MARCHF11: variants seen among roughly 807,000 people sequenced by gnomAD.
MARCHF11 encodes the protein membrane associated ring-CH-type finger 11.
In MARCHF11, 29 loss-of-function variants were observed where a neutral mutation model predicts 37.3. The observed-to-expected ratio is 0.78, with a 90% CI of 0.58 to 1.06. The LOEUF is 1.06. Among genes scored for constraint, MARCHF11 ranks in the 50% least tolerant of loss-of-function variants. The probability of loss-of-function intolerance (pLI) is 0.00; values close to 1 mark genes in which losing one functional copy is unlikely to be tolerated. For missense variants in MARCHF11, 482 were observed against 533.4 expected, an observed-to-expected ratio of 0.90 and a Z score of 0.95; for synonymous variants, 233 against 228.0, an observed-to-expected ratio of 1.02 and a Z score of -0.20.
chr5:16,083,467 C>A (rs1012769287), intron 3 of MARCHF11, among the ~76,000 whole-genome samples: 6 of 152,152 alleles, frequency 3.9e-5, no homozygotes, highest in Non-Finnish European at 8.8e-5. Context: ...AATCCAAAGG[C>A]CTTACCAACA....
chr5:16,178,241 G>A (rs1738397002), intron 1 of MARCHF11, among the ~76,000 whole-genome samples: 1 of 152,146 alleles, frequency 6.6e-6, no homozygotes, highest in South Asian at 2.1e-4. Flanking sequence ...AAGAAGAAAC[G>A]CATGGCATCC....
intron 3 of MARCHF11, among the ~76,000 whole-genome samples, chr5:16,078,671 C>G (rs189462454): frequency 2.0e-5 from 3 of 152,312 alleles, no homozygotes; most frequent in South Asian, 2.1e-4. Flanking sequence ...GAAGTACAAT[C>G]TTCAGGTTTT....
At chr5:16,100,878 T>G (rs758934353) in intron 2 of MARCHF11, among the ~76,000 whole-genome samples, 10 of 152,130 alleles carry the variant, frequency 6.6e-5, no homozygotes, top group Non-Finnish European at 1.2e-4. Flanking sequence ...ATTTAGCAAC[T>G]ATAGGGTACA....
intron 2 of MARCHF11, among the ~76,000 whole-genome samples, chr5:16,157,291 G>A (rs1033621443): frequency 6.6e-6 from 1 of 151,754 alleles, no homozygotes; most frequent in Admixed American, 6.6e-5. Context: ...CAAATTCAAT[G>A]CAAACCCTAT....
intron 2 of MARCHF11, among the ~76,000 whole-genome samples, chr5:16,117,647 A>G (rs992583519): frequency 2.0e-5 from 3 of 152,200 alleles, no homozygotes; most frequent in African/African-American, 7.2e-5. Flanking sequence ...CCAGCTACGC[A>G]GGAGGCCAAG....
chr5:16,147,075 A>G (rs1303632592), intron 2 of MARCHF11, among the ~76,000 whole-genome samples: 1 of 152,146 alleles, frequency 6.6e-6, no homozygotes, highest in Non-Finnish European at 1.5e-5. Flanking sequence ...ATATTTCAAA[A>G]GACTATCTTT....
At chr5:16,168,204 A>C (rs573580659) in intron 2 of MARCHF11, among the ~76,000 whole-genome samples, 1 of 152,232 alleles carries the variant, frequency 6.6e-6, no homozygotes, top group East Asian at 1.9e-4. Flanking sequence ...TTTCGGTAAC[A>C]AATATGAGTT....
chr5:16,164,025 C>T (rs1020488901), intron 2 of MARCHF11, among the ~76,000 whole-genome samples: 10 of 152,052 alleles, frequency 6.6e-5, no homozygotes, highest in African/African-American at 2.2e-4. Flanking sequence ...GCTGGGCCCT[C>T]ACCAGACACC....
At chr5:16,159,743 A>G (rs764724888) in intron 2 of MARCHF11, among the ~76,000 whole-genome samples, 7 of 151,828 alleles carry the variant, frequency 4.6e-5, no homozygotes, top group South Asian at 2.1e-4. Flanking sequence ...CATTCTCCAT[A>G]CATCCTCCCA....
In MARCHF11 at chr5:16,166,891, A is replaced by ATGTG. The variant is rs3993864; in HGVS notation, c.693+10831_693+10834dup. ...TCACCAGAGAAACAAAACCAACAGG[A>ATGTG]TGTGTGTGTGTGTGTGTGTGTGTGT... On this transcript the variant is annotated intron_variant, in intron 2 of 3. Transcript: ENST00000332432. 4.5e-3 allele frequency among the ~76,000 whole-genome samples: 673 copies of ATGTG among 149,382 alleles called. 1 individual carries two copies. Among genetic ancestry groups the ATGTG allele is most frequent in the Non-Finnish European group, 6.9e-3 (462 of 67,268 alleles).
Position 16,167,157 on chromosome 5 carries a change from CGTGTGT to C in MARCHF11, c.693+10563_693+10568del, listed in dbSNP as rs3031646. Reference sequence around the variant, plus strand: ...AAGTTGGGAACTGTCTGTATACACACGTGTGTGTGTGTGTGTGTGTGTGTGTAAGAG... The same window carrying C: ...AAGTTGGGAACTGTCTGTATACACACGTGTGTGTGTGTGTGTGTGTAAGAG... On this transcript the variant is annotated intron_variant, in intron 2 of 3. Transcript: ENST00000332432. 5.8e-3 allele frequency among the ~76,000 whole-genome samples: 869 copies of C among 148,862 alleles called. 6 individuals carry two copies. Among genetic ancestry groups the C allele is most frequent in the Non-Finnish European group, 9.7e-3 (649 of 67,026 alleles).
intron 2 of MARCHF11, among the ~76,000 whole-genome samples, chr5:16,171,366 T>C (rs976232029): frequency 5.3e-5 from 8 of 150,968 alleles, no homozygotes; most frequent in South Asian, 2.1e-4. Flanking sequence ...ATCCCACCCA[T>C]TGAATTTTCT....
At chr5:16,170,424 G>T (rs761817864) in intron 2 of MARCHF11, among the ~76,000 whole-genome samples, 2 of 152,042 alleles carry the variant, frequency 1.3e-5, no homozygotes, top group Admixed American at 6.5e-5. Flanking sequence ...TTACTATCAA[G>T]GCTTTTTTTC....
chr5:16,140,280 C>A (rs1560986865), intron 2 of MARCHF11, among the ~76,000 whole-genome samples: 1 of 151,708 alleles, frequency 6.6e-6, no homozygotes, highest in African/African-American at 2.4e-5. Flanking sequence ...ATGAGATAAA[C>A]CCTTAAATAA....
At chr5:16,151,869 TTTG>T (rs1378970278) in intron 2 of MARCHF11, among the ~76,000 whole-genome samples, 2 of 145,872 alleles carry the variant, frequency 1.4e-5, no homozygotes, top group South Asian at 2.1e-4. Flanking sequence ...TAGTTTTGTT[TTTG>T]TTGTTGTTGT....
intron 3 of MARCHF11, among the ~76,000 whole-genome samples, chr5:16,076,257 G>A (rs142071858): frequency 2.0e-5 from 3 of 152,100 alleles, no homozygotes; most frequent in African/African-American, 4.8e-5. Context: ...AGCTGTGAAG[G>A]TTATATATTA....
intron 3 of MARCHF11, among the ~76,000 whole-genome samples, chr5:16,072,862 A>C (rs1359628481): frequency 6.6e-6 from 1 of 151,992 alleles, no homozygotes; most frequent in Non-Finnish European, 1.5e-5. Context: ...TGTGGGTGGG[A>C]AGGGAGACGA....
intron 2 of MARCHF11, among the ~76,000 whole-genome samples, chr5:16,171,110 T>G (rs1390453274): frequency 6.6e-6 from 1 of 152,120 alleles, no homozygotes; most frequent in Non-Finnish European, 1.5e-5. Flanking sequence ...TTTATTTATT[T>G]ATTTATTATT....
At chr5:16,134,412 T>A (rs1737573814) in intron 2 of MARCHF11, among the ~76,000 whole-genome samples, 1 of 152,104 alleles carries the variant, frequency 6.6e-6, no homozygotes, top group Non-Finnish European at 1.5e-5. Context: ...CGTGCTGCCA[T>A]GCGATGACAC....
Sources: allele counts gnomAD v4.1 joint callset (sites outside exome capture counted in the v4.1 genomes callset), GRCh38; gene constraint gnomAD v4.1.1; transcripts MANE v1.5; gene names NCBI Gene and HGNC (gene_info 2026-07-23, HGNC 2026-07-21).